NAA15: variants seen among roughly 807,000 people sequenced by gnomAD.
The protein encoded by NAA15 is N-terminal acetyltransferase.
NAA15 carries 34 observed loss-of-function variants against 114.0 expected under a neutral mutation model. The observed-to-expected ratio is 0.30, with a 90% CI of 0.23 to 0.40. The LOEUF (loss-of-function observed/expected upper bound fraction) is 0.40, where lower values mean the gene tolerates loss of function less well. Ranked by LOEUF, NAA15 falls within the 10% of genes least tolerant of loss-of-function variation. The pLI is 1.00. For synonymous variants in NAA15, 340 were observed against 338.0 expected (o/e 1.01, Z -0.06); for missense variants, 658 against 1,004.5 (o/e 0.66, Z 4.66).
At chr4:139,316,665 G>C (rs762064118) in intron 1 of NAA15, among the ~76,000 whole-genome samples, 25 of 151,830 alleles carry the variant, frequency 1.6e-4, no homozygotes, top group East Asian at 3.9e-4. Context: ...TATGAATGCT[G>C]AGTCCTTTTT....
intron 1 of NAA15, among the ~76,000 whole-genome samples, chr4:139,328,883 C>G (rs1256565778): frequency 7.7e-6 from 1 of 130,330 alleles, no homozygotes; most frequent in Admixed American, 7.7e-5. Context: ...TTTTTTTCCT[C>G]AGACAGAGTC....
intron 6 of NAA15, among the ~76,000 whole-genome samples, chr4:139,346,781 A>G (rs1747597260): frequency 1.3e-5 from 2 of 152,022 alleles, no homozygotes; most frequent in Non-Finnish European, 2.9e-5. Flanking sequence ...TCTGACCCCC[A>G]AAGTGCTGGG....
chr4:139,349,684 G>C, intron 7 of NAA15, 103 bp downstream of exon 7: 1 of 1,259,054 alleles, frequency 7.9e-7, no homozygotes, highest in Non-Finnish European at 1.1e-6. Flanking sequence ...GTTAAGAATT[G>C]GTTCGAAATC....
intron 10 of NAA15, among the ~76,000 whole-genome samples, chr4:139,355,343 T>C (rs1043157839): frequency 6.6e-6 from 1 of 152,186 alleles, no homozygotes; most frequent in African/African-American, 2.4e-5. Flanking sequence ...TTAAACTCTT[T>C]TTATCTTTTG....
intron 4 of NAA15, 53 bp downstream of exon 4, chr4:139,341,122 CTT>C: frequency 8.2e-7 from 1 of 1,220,648 alleles, no homozygotes; most frequent in Non-Finnish European, 1.1e-6. Context: ...ATATGTACAA[CTT>C]TGAGTACTTT....
intron 9 of NAA15, among the ~76,000 whole-genome samples, chr4:139,352,662 C>CTTTTTTT (rs746490411): frequency 2.1e-4 from 22 of 103,296 alleles, no homozygotes; most frequent in Non-Finnish European, 3.4e-4. Flanking sequence ...CATAAAATAT[C>CTTTTTTT]TTTTTTTTTT....
At chr4:139,356,349 G>A (rs1367863835) in intron 10 of NAA15, 1 of 152,204 alleles carries the variant, frequency 6.6e-6, no homozygotes, top group Non-Finnish European at 1.5e-5. Flanking sequence ...TCTGGTTCCT[G>A]TAGTGGGAAA....
Position 139,334,237 on chromosome 4 carries a change from C to T in NAA15, c.118C>T (p.Pro40Ser), listed in dbSNP as rs1188083003. The T allele has an allele frequency of 1.2e-6, 2 of 1,601,622 alleles. No homozygotes were observed. The highest frequency in any genetic ancestry group is 1.7e-6 in the Non-Finnish European group (2 of 1,174,874). ...LKFCKQILSNPKFAEHGETLA... is the reference protein window; with the variant it reads ...LKFCKQILSNSKFAEHGETLA... ...ATTCTGTAAACAAATACTTTCTAATCCCAAATTTGCAGAGCATGGAGGTAA... is the reference window on the plus strand; with the variant it reads ...ATTCTGTAAACAAATACTTTCTAATTCCAAATTTGCAGAGCATGGAGGTAA... Residue 40 changes from proline (P) to serine (S), a missense_variant, in exon 2 of 20, where the codon CCC (proline) becomes TCC (serine). Transcript: ENST00000296543.
chr4:139,365,547 T>C (rs1428549827), intron 14 of NAA15, among the ~76,000 whole-genome samples: 3 of 151,800 alleles, frequency 2.0e-5, no homozygotes, highest in Non-Finnish European at 4.4e-5. Context: ...ATACAATGTA[T>C]GGGGTATGGG....
At chr4:139,346,477 TG>T (rs1451320279) in intron 6 of NAA15, among the ~76,000 whole-genome samples, 1 of 151,874 alleles carries the variant, frequency 6.6e-6, no homozygotes, top group African/African-American at 2.4e-5. Flanking sequence ...GGATAGTTGG[TG>T]GGAGAAGATA....
chr4:139,322,103 T>G (rs932554218), intron 1 of NAA15, among the ~76,000 whole-genome samples: 5 of 152,176 alleles, frequency 3.3e-5, no homozygotes, highest in African/African-American at 7.2e-5. Context: ...GTTTTTAAGT[T>G]TTAATAAAGA....
At chr4:139,342,141 T>A (rs1747423328) in intron 4 of NAA15, among the ~76,000 whole-genome samples, 1 of 152,206 alleles carries the variant, frequency 6.6e-6, no homozygotes, top group South Asian at 2.1e-4. Flanking sequence ...TATTCTTTCC[T>A]CTTTATGTAT....
At chr4:139,330,579 GT>G (rs1181994871) in intron 1 of NAA15, among the ~76,000 whole-genome samples, 2 of 151,932 alleles carry the variant, frequency 1.3e-5, no homozygotes, top group Non-Finnish European at 2.9e-5. Context: ...AAGATGATTG[GT>G]TTTTTTTGCA....
chr4:139,360,473 T>A (rs1443720486), intron 12 of NAA15, 27 bp from the exon 13 acceptor site: 1 of 1,496,670 alleles, frequency 6.7e-7, no homozygotes, highest in Non-Finnish European at 8.9e-7. Flanking sequence ...TAAAAAGTGA[T>A]CTTGAAAATA....
chr4:139,379,969 T>C (rs898292246), intron 17 of NAA15, among the ~76,000 whole-genome samples: 6 of 152,234 alleles, frequency 3.9e-5, no homozygotes, highest in African/African-American at 1.4e-4. Flanking sequence ...CGCTTGAACT[T>C]GCAAGGCGGA....
At chr4:139,309,227 A>T (rs1396249863) in intron 1 of NAA15, among the ~76,000 whole-genome samples, 1 of 151,754 alleles carries the variant, frequency 6.6e-6, no homozygotes, top group African/African-American at 2.4e-5. Flanking sequence ...AGGCACCTGT[A>T]ATCCCAGCTA....
intron 15 of NAA15, among the ~76,000 whole-genome samples, chr4:139,375,771 C>G (rs951893233): frequency 2.0e-5 from 3 of 151,944 alleles, no homozygotes; most frequent in Non-Finnish European, 4.4e-5. Flanking sequence ...GTAATGATTG[C>G]AAGTATATAA....
chr4:139,368,940 C>T (rs1748357530), intron 14 of NAA15, among the ~76,000 whole-genome samples: 1 of 152,088 alleles, frequency 6.6e-6, no homozygotes, highest in Non-Finnish European at 1.5e-5. Flanking sequence ...CAGTGATTTC[C>T]AGTCTTTTGA....
Position 139,357,953 on chromosome 4 carries a change from A to G in NAA15, c.1257+398A>G, listed in dbSNP as rs1049161442. On this transcript the variant is annotated intron_variant, in intron 11 of 19. Transcript: ENST00000296543. ...ATTGAGATGAAACTGTGAAGATTCT[A>G]TTATGAATTCTACAGGTTATCTCTT... is the stretch of plus-strand genomic sequence containing the variant. Among the ~76,000 whole-genome samples, 7 of 152,308 alleles carry G rather than the reference A, an allele frequency of 4.6e-5. No individual in the cohort carries two copies. In the South Asian group the frequency reaches 1.0e-3, roughly 23 times the overall value.
Sources: gnomAD v4.1 joint callset for allele counts (sites outside exome capture counted in the v4.1 genomes callset) on GRCh38, gnomAD v4.1.1 for gene constraint, MANE v1.5 for transcripts, NCBI Gene and HGNC (gene_info 2026-07-23, HGNC 2026-07-21) for gene names.